SLC8A1: variants seen among roughly 807,000 people sequenced by gnomAD.
The protein encoded by SLC8A1 is solute carrier family 8 member A1, also known as sodium/calcium exchanger 1.
SLC8A1 carries 18 observed loss-of-function variants against 68.3 expected under a neutral mutation model. That is an observed-to-expected ratio of 0.26 (90% confidence interval 0.18 to 0.39). The LOEUF is 0.39. SLC8A1 is among the 10% of genes least tolerant of loss of function. The pLI, the probability that SLC8A1 is intolerant of heterozygous loss-of-function variation, is 1.00. For missense variants in SLC8A1, 985 were observed against 1,156.7 expected (o/e 0.85, Z 2.15); for synonymous variants, 475 against 415.5 (o/e 1.14, Z -1.74).
In SLC8A1 at chr2:40,263,597, A is replaced by T. The variant is rs191646126; in HGVS notation, c.1809-85742T>A. Among the ~76,000 whole-genome samples, 169 of 152,302 alleles carry T rather than the reference A, an allele frequency of 1.1e-3. 1 individual carries two copies. The highest frequency in any genetic ancestry group is 3.8e-3 in the African/African-American group (157 of 41,572). ...TGACAAACCTGACAAAAACAAGAAA[A>T]GGGGAAAGGACTCCCTGTTTCATAA... On this transcript the variant is annotated intron_variant, in intron 2 of 7. Coordinates refer to ENST00000406785, the Ensembl canonical transcript of SLC8A1.
At chr2:40,469,441 C>T (rs1222638556) in intron 1 of SLC8A1, among the ~76,000 whole-genome samples, 2 of 152,118 alleles carry the variant, frequency 1.3e-5, no homozygotes, top group Admixed American at 6.6e-5. Context: ...TGAGGCCTCC[C>T]AGTCATGCTT....
rs12989125 is a variant in SLC8A1, at chr2:40,311,430, T to G, written c.1808+117043A>C. Among the ~76,000 whole-genome samples, 128 of 115,426 alleles carry G rather than the reference T, an allele frequency of 1.1e-3. 1 individual carries two copies. Among genetic ancestry groups the G allele is most frequent in the Non-Finnish European group, 1.8e-3 (111 of 61,604 alleles). The allele number at this position is 115,426 out of a possible 152,430, so 75.7% of individuals were successfully genotyped here. A position where few individuals can be genotyped will look rare whatever the true frequency, so the allele number is the denominator to read the frequency against. ...ATAGCCTTCAGATTAGTCAAAAAAT[T>G]TTGATGCATTCATATGAGAAAATCG... On this transcript the variant is annotated intron_variant, in intron 2 of 7. Transcript: ENST00000406785.
At chr2:40,404,796 C>T (rs1206728638) in intron 2 of SLC8A1, among the ~76,000 whole-genome samples, 3 of 152,082 alleles carry the variant, frequency 2.0e-5, no homozygotes, top group Admixed American at 1.3e-4. Flanking sequence ...ACAGGCTGTC[C>T]AAAAAGGCCC....
At chr2:40,432,286 A>G (rs1287126231) in intron 1 of SLC8A1, among the ~76,000 whole-genome samples, 1 of 151,820 alleles carries the variant, frequency 6.6e-6, no homozygotes, top group African/African-American at 2.4e-5. Context: ...CTGTCCTCAC[A>G]GAGCTTATAT....
At chr2:40,332,326 T>C (rs1341706515) in intron 2 of SLC8A1, among the ~76,000 whole-genome samples, 3 of 151,436 alleles carry the variant, frequency 2.0e-5, no homozygotes, top group South Asian at 2.1e-4. Context: ...CTTTGAACTT[T>C]GAGACTGCAA....
chr2:40,190,267 A>G (rs1187420800), intron 2 of SLC8A1, among the ~76,000 whole-genome samples: 1 of 152,172 alleles, frequency 6.6e-6, no homozygotes, highest in Non-Finnish European at 1.5e-5. Context: ...TTTTCATTCT[A>G]GAAGCACAAT....
At chr2:40,231,950 C>A (rs2059703202) in intron 2 of SLC8A1, among the ~76,000 whole-genome samples, 1 of 152,104 alleles carries the variant, frequency 6.6e-6, no homozygotes, top group South Asian at 2.1e-4. Context: ...CGACGAGGAA[C>A]TGGAGGTGTG....
intron 1 of SLC8A1, among the ~76,000 whole-genome samples, chr2:40,448,783 G>A (rs6742475): frequency 6.8e-4 from 104 of 152,190 alleles, no homozygotes; most frequent in African/African-American, 2.4e-3. Context: ...CTACAAGTAT[G>A]GGTGATATTT....
intron 1 of SLC8A1, among the ~76,000 whole-genome samples, chr2:40,461,083 A>T (rs965949164): frequency 2.0e-5 from 3 of 152,200 alleles, no homozygotes; most frequent in African/African-American, 7.2e-5. Context: ...GAATCCTATT[A>T]CCGCTCAGCT....
chr2:40,124,096 C>T (rs1326371161), intron 7 of SLC8A1, among the ~76,000 whole-genome samples: 4 of 152,194 alleles, frequency 2.6e-5, no homozygotes, highest in East Asian at 3.9e-4. Context: ...GACATAGGTT[C>T]GCCTGTCTTG....
At chr2:40,172,835 G>A (rs1249031474) in intron 4 of SLC8A1, among the ~76,000 whole-genome samples, 5 of 152,018 alleles carry the variant, frequency 3.3e-5, no homozygotes, top group African/African-American at 4.8e-5. Flanking sequence ...CCAGACACTC[G>A]GGAGGCTGAG....
chr2:40,216,112 G>T (rs1164962676), intron 2 of SLC8A1, among the ~76,000 whole-genome samples: 3 of 151,534 alleles, frequency 2.0e-5, no homozygotes, highest in African/African-American at 7.3e-5. Context: ...TGCCATGGTG[G>T]TTTGCTGCAC....
chr2:40,297,869 T>C (rs185785468), intron 2 of SLC8A1, among the ~76,000 whole-genome samples: 164 of 152,306 alleles, frequency 1.1e-3, no homozygotes, highest in Admixed American at 2.2e-3. Flanking sequence ...TGAAGTTACA[T>C]GATTTAACAA....
At chr2:40,247,434 A>ATG (rs3059492) in intron 2 of SLC8A1, among the ~76,000 whole-genome samples, 2,175 of 150,734 alleles carry the variant, frequency 0.014, 24 homozygotes, top group South Asian at 0.021. Context: ...CAGCATATAT[A>ATG]TGTGTGTGTG....
intron 2 of SLC8A1, among the ~76,000 whole-genome samples, chr2:40,322,752 C>T (rs938584490): frequency 6.6e-6 from 1 of 151,322 alleles, no homozygotes; most frequent in East Asian, 1.9e-4. Flanking sequence ...TGAACACTAC[C>T]AATTTAATAA....
In SLC8A1 at chr2:40,334,660, T is replaced by C. The variant is rs780963653; in HGVS notation, c.1808+93813A>G. On this transcript the variant is annotated intron_variant, in intron 2 of 7. Transcript: ENST00000406785. Reference sequence around the variant, plus strand: ...GTCCTGAAAACATTTTTTTCAGCCATAAATATGAATAACCAAAGTTGAGGG... The same window carrying C: ...GTCCTGAAAACATTTTTTTCAGCCACAAATATGAATAACCAAAGTTGAGGG... Among the ~76,000 whole-genome samples the C allele has an allele frequency of 8.7e-4, 132 of 152,202 alleles. No homozygotes were observed. The Middle Eastern group carries it at 0.024, about 27-fold the overall frequency.
intron 1 of SLC8A1, among the ~76,000 whole-genome samples, chr2:40,438,403 T>C (rs550010618): frequency 6.6e-6 from 1 of 152,188 alleles, no homozygotes; most frequent in African/African-American, 2.4e-5. Context: ...GAGCCCTTCC[T>C]ATGTTTCTAG....
chr2:40,506,595 T>A (rs1448373367), intron 1 of SLC8A1, among the ~76,000 whole-genome samples: 2 of 151,940 alleles, frequency 1.3e-5, no homozygotes, highest in African/African-American at 2.4e-5. Context: ...AGTTTATTGT[T>A]GACATGGTTG....
intron 6 of SLC8A1, among the ~76,000 whole-genome samples, chr2:40,159,435 A>G (rs2045257610): frequency 6.6e-6 from 1 of 152,212 alleles, no homozygotes; most frequent in Non-Finnish European, 1.5e-5. Flanking sequence ...GGTTCAGTAT[A>G]AGGCTTAGGA....
Sources: gnomAD v4.1 joint callset for allele counts (sites outside exome capture counted in the v4.1 genomes callset) on GRCh38, gnomAD v4.1.1 for gene constraint, MANE v1.5 for transcripts, NCBI Gene and HGNC (gene_info 2026-07-23, HGNC 2026-07-21) for gene names.